ADAMTS17: variants seen among roughly 807,000 people sequenced by gnomAD.
The protein encoded by ADAMTS17 is ADAM metallopeptidase with thrombospondin type 1 motif 17, also known as A disintegrin and metalloproteinase with thrombospondin motifs 17.
A neutral mutation model predicts 141.5 loss-of-function variants in ADAMTS17; 113 were observed. The ratio of observed to expected loss-of-function variants is 0.80; its 90% CI spans 0.69 to 0.93. The LOEUF is 0.93. Among genes scored for constraint, ADAMTS17 ranks in the 40% least tolerant of loss-of-function variants. The pLI is 0.00. For missense variants in ADAMTS17, 1,659 were observed against 1,517.9 expected, an observed-to-expected ratio of 1.09 and a Z score of -1.54; for synonymous variants, 768 against 630.6, an observed-to-expected ratio of 1.22 and a Z score of -3.27.
At chr15:100,303,861 T>A (rs2045128585) in intron 3 of ADAMTS17, among the ~76,000 whole-genome samples, 1 of 152,188 alleles carries the variant, frequency 6.6e-6, no homozygotes, top group South Asian at 2.1e-4. Flanking sequence ...TAGTTGGGAC[T>A]ACAGGTGCAT....
intron 15 of ADAMTS17, among the ~76,000 whole-genome samples, chr15:100,065,240 A>G (rs1245031471): frequency 6.6e-6 from 1 of 152,232 alleles, no homozygotes; most frequent in East Asian, 1.9e-4. Flanking sequence ...ATAAACATAC[A>G]TATATCATTT....
At chr15:100,072,258 G>A (rs1370742010) in intron 15 of ADAMTS17, among the ~76,000 whole-genome samples, 3 of 147,736 alleles carry the variant, frequency 2.0e-5, no homozygotes, top group Non-Finnish European at 4.5e-5. Context: ...AATAAAAGAG[G>A]ATACAAACAA....
At chr15:100,234,048 A>G (rs1169016739) in intron 7 of ADAMTS17, among the ~76,000 whole-genome samples, 1 of 152,046 alleles carries the variant, frequency 6.6e-6, no homozygotes, top group Non-Finnish European at 1.5e-5. Context: ...GTAAGAAAAA[A>G]CTGTTGAAGA....
intron 18 of ADAMTS17, among the ~76,000 whole-genome samples, chr15:100,046,774 T>C (rs1361293023): frequency 6.6e-6 from 1 of 152,214 alleles, no homozygotes; most frequent in Non-Finnish European, 1.5e-5. Flanking sequence ...ATTTGTAAGC[T>C]GAGGAGGCTG....
chr15:99,973,212 T>TCAATGATGACAGGCGTGATGATA lies in ADAMTS17; in HGVS notation c.*1167_*1189dup, dbSNP rs1169922784. The TCAATGATGACAGGCGTGATGATA allele has an allele frequency of 6.6e-6, 1 of 151,848 alleles. No individual in the cohort carries two copies. The highest frequency in any genetic ancestry group is 1.5e-5 in the Non-Finnish European group (1 of 67,964). The allele number at this position is 151,848 out of a possible 1,614,324, so 9.4% of individuals were successfully genotyped here. A position where few individuals can be genotyped will look rare whatever the true frequency, so the allele number is the denominator to read the frequency against. On this transcript the variant is annotated 3_prime_UTR_variant, in exon 22 of 22. Transcript: ENST00000268070. ...ATCCTTGCCCCACCAAGAAGATGGG[T>TCAATGATGACAGGCGTGATGATA]CAATGATGACAGGCGTGATGATAAT...
intron 6 of ADAMTS17, among the ~76,000 whole-genome samples, chr15:100,255,270 C>A (rs1222182156): frequency 6.6e-6 from 1 of 152,122 alleles, no homozygotes; most frequent in South Asian, 2.1e-4. Flanking sequence ...AGGACTCAGC[C>A]GGCTGAGGAG....
intron 7 of ADAMTS17, among the ~76,000 whole-genome samples, chr15:100,207,666 G>A (rs1567354530): frequency 1.3e-5 from 2 of 152,156 alleles, no homozygotes; most frequent in Non-Finnish European, 2.9e-5. Context: ...GGTGGAGTGG[G>A]GGTGTTCTGT....
In ADAMTS17 at chr15:100,092,817, G is replaced by C. The variant is rs538589988; in HGVS notation, c.2137+3539C>G. ...GGATCCGAAGCCCACAGGTATCCTT[G>C]GCTGGTTCTCAGTGAGGACTTCAGT... is the stretch of plus-strand genomic sequence containing the variant. On this transcript the variant is annotated intron_variant, in intron 15 of 21. Coordinates refer to ENST00000268070, the MANE Select transcript of ADAMTS17 (RefSeq NM_139057.4). 2.6e-4 allele frequency among the ~76,000 whole-genome samples: 39 copies of C among 152,332 alleles called. 1 individual carries two copies. Among genetic ancestry groups the C allele is most frequent in the African/African-American group, 8.4e-4 (35 of 41,588 alleles).
rs896490756 is a variant in ADAMTS17, at chr15:100,273,627, C to A, written c.789+7602G>T. ...AGGTTTGTCAATTTTCTTAATCTTT[C>A]CAAAGAACTAACTCTTGGTTTCATT... is the stretch of plus-strand genomic sequence containing the variant. On this transcript the variant is annotated intron_variant, in intron 4 of 21. Coordinates refer to ENST00000268070, the MANE Select transcript of ADAMTS17 (RefSeq NM_139057.4). Among the ~76,000 whole-genome samples, 4 of 152,062 alleles carry A rather than the reference C, an allele frequency of 2.6e-5. No individual in the cohort carries two copies. The East Asian group carries it at 5.8e-4, about 22-fold the overall frequency.
chr15:100,098,620 G>A (rs189698748), intron 14 of ADAMTS17, among the ~76,000 whole-genome samples: 9 of 150,800 alleles, frequency 6.0e-5, no homozygotes, highest in Admixed American at 2.0e-4. Context: ...CTGAGATTGC[G>A]CCACTGCACT....
intron 18 of ADAMTS17, among the ~76,000 whole-genome samples, chr15:100,031,347 G>A (rs1411388250): frequency 6.6e-6 from 1 of 152,316 alleles, no homozygotes; most frequent in East Asian, 1.9e-4. Context: ...TTCAATAAAG[G>A]CTGCTGTAAA....
At position 100,096,422 on chromosome 15, in the gene ADAMTS17, C is replaced by T. The variant is rs1483161421; in HGVS notation, c.2071G>A (p.Val691Ile). 6.2e-7 allele frequency: 1 copy of T among 1,614,184 alleles called. No homozygotes were observed. The highest frequency in any genetic ancestry group is 2.2e-5 in the East Asian group (1 of 44,872). Residue 691 changes from valine (V) to isoleucine (I), a missense_variant, in exon 15 of 22, where the codon GTC becomes ATC. Transcript: ENST00000268070. ...GSAAKEDRCG[V>I]CSGDGKTCHL... The stretch of plus-strand genomic sequence containing the variant: ...CAGGTCTTGCCGTCCCCGCTGCAGA[C>T]CCCGCATCTGTCCTCTTTGGCTGCA...
At chr15:100,086,916 A>G (rs945796765) in intron 15 of ADAMTS17, among the ~76,000 whole-genome samples, 2 of 152,200 alleles carry the variant, frequency 1.3e-5, no homozygotes, top group African/African-American at 4.8e-5. Context: ...ACACCCTAAC[A>G]TCACAATTGA....
At chr15:100,207,178 G>C (rs1307860010) in intron 7 of ADAMTS17, among the ~76,000 whole-genome samples, 1 of 152,074 alleles carries the variant, frequency 6.6e-6, no homozygotes, top group Non-Finnish European at 1.5e-5. Flanking sequence ...ATAAAAAGAA[G>C]AAGAGACACT....
intron 7 of ADAMTS17, among the ~76,000 whole-genome samples, chr15:100,224,096 C>A (rs1456587401): frequency 6.6e-6 from 1 of 152,100 alleles, no homozygotes; most frequent in African/African-American, 2.4e-5. Flanking sequence ...GGTGGATCTG[C>A]CTTCCCCAGC....
At chr15:100,060,957 C>T (rs1213615019) in intron 15 of ADAMTS17, among the ~76,000 whole-genome samples, 1 of 152,164 alleles carries the variant, frequency 6.6e-6, no homozygotes, top group Non-Finnish European at 1.5e-5. Flanking sequence ...GTGTGGACCA[C>T]CTTCAGGCTT....
chr15:100,318,516 C>T (rs556141937), intron 3 of ADAMTS17, among the ~76,000 whole-genome samples: 1 of 152,158 alleles, frequency 6.6e-6, no homozygotes, highest in African/African-American at 2.4e-5. Context: ...ATCTGTGAAG[C>T]AGAGAGCAGG....
chr15:100,288,718 C>T (rs1370932849), intron 3 of ADAMTS17, among the ~76,000 whole-genome samples: 1 of 152,158 alleles, frequency 6.6e-6, no homozygotes, highest in East Asian at 1.9e-4. Context: ...GAAGATCACT[C>T]AAAACCATAC....
chr15:100,057,959 G>A lies in ADAMTS17; in HGVS notation c.2138-3905C>T, dbSNP rs927639474. On this transcript the variant is annotated intron_variant, in intron 15 of 21. Transcript: ENST00000268070. ...TTCACACATGCTTTTTGGAGGTTGGGTTAAAAAAAAGCTAATCACGATGAG... is the reference window on the plus strand; with the variant it reads ...TTCACACATGCTTTTTGGAGGTTGGATTAAAAAAAAGCTAATCACGATGAG... Among the ~76,000 whole-genome samples the A allele has an allele frequency of 3.0e-4, 45 of 151,920 alleles. 2 individuals carry two copies. The highest frequency in any genetic ancestry group is 4.8e-5 in the African/African-American group (2 of 41,310).
Sources: gnomAD v4.1 joint callset for allele counts (sites outside exome capture counted in the v4.1 genomes callset) on GRCh38, gnomAD v4.1.1 for gene constraint, MANE v1.5 for transcripts, NCBI Gene and HGNC (gene_info 2026-07-23, HGNC 2026-07-21) for gene names.